Variants in FOXM1 observed in about 807,000 individuals in gnomAD.
The protein encoded by FOXM1 is forkhead box protein M1.
Under a neutral mutation model 63.6 loss-of-function variants are expected in FOXM1, and 25 were observed. That is an observed-to-expected ratio of 0.39 (90% CI 0.29 to 0.55). FOXM1 has a LOEUF of 0.55. Ranked by LOEUF, FOXM1 falls within the 20% of genes least tolerant of loss-of-function variation. The probability of loss-of-function intolerance (pLI) is 0.60; values close to 1 mark genes in which losing one functional copy is unlikely to be tolerated. For missense variants in FOXM1, 879 were observed against 958.7 expected, an observed-to-expected ratio of 0.92 and a Z score of 1.10; for synonymous variants, 387 against 376.9, an observed-to-expected ratio of 1.03 and a Z score of -0.31.
At chr12:2,875,830 A>G (rs1327658948) in intron 1 of FOXM1, among the ~76,000 whole-genome samples, 1 of 147,740 alleles carries the variant, frequency 6.8e-6, no homozygotes, top group Non-Finnish European at 1.5e-5. Context: ...GCGCAATCTC[A>G]GCTCACTGCA....
At position 2,864,568 on chromosome 12, in the gene FOXM1, C is replaced by T. The variant is rs922767655; in HGVS notation, c.1091-73G>A. On this transcript the variant is annotated intron_variant, in intron 7 of 8. Coordinates refer to ENST00000359843, the MANE Select transcript of FOXM1 (RefSeq NM_021953.4). The surrounding 1 kb of genome is among the most constrained non-coding windows in gnomAD (Gnocchi z 5.1). ...CCTTCTCAGCCCCAGGAGCTTTGCT[C>T]TCCTTCTCTGGGCTCAGATCCCTTT... The T allele has an allele frequency of 6.3e-7, 1 of 1,584,562 alleles. No individual in the cohort carries two copies. Among genetic ancestry groups the T allele is most frequent in the Non-Finnish European group, 8.7e-7 (1 of 1,155,880 alleles).
chr12:2,874,209 T>C lies in FOXM1; in HGVS notation c.270A>G (p.Ala90=). The part of the protein sequence containing the change: ...NNANIHSIIT[A]LTAKGKESGS... ...CACTCTCTTTTCCCTTGGCAGTCAG[T>C]GCTGTGATGATGCTGTGAATATTAG... is the stretch of plus-strand genomic sequence containing the variant. Residue 90 remains alanine (A), a synonymous_variant, in exon 2 of 9, where the codon GCA becomes GCG. Transcript: ENST00000359843. This position sits in a 1 kb window ranked among gnomAD's most constrained non-coding sequence, Gnocchi z 4.3. 3.1e-6 allele frequency: 5 copies of C among 1,614,190 alleles called. No homozygotes were observed. Among genetic ancestry groups the C allele is most frequent in the Non-Finnish European group, 4.2e-6 (5 of 1,180,046 alleles).
chr12:2,873,131 C>T (rs2098135988), intron 2 of FOXM1, among the ~76,000 whole-genome samples: 1 of 152,136 alleles, frequency 6.6e-6, no homozygotes, highest in African/African-American at 2.4e-5. Flanking sequence ...GGCGCAGTGG[C>T]TCACACCTGT....
Position 2,864,621 on chromosome 12 carries a change from G to T in FOXM1, c.1090+62C>A. 1.3e-6 allele frequency: 2 copies of T among 1,597,280 alleles called. No individual in the cohort carries two copies. The highest frequency in any genetic ancestry group is 1.7e-6 in the Non-Finnish European group (2 of 1,164,982). ...GGTGGGAACAGAATCCCAGAGTCTG[G>T]TTCCCTAAAGATATGGCCCCAGAAC... On this transcript the variant is annotated intron_variant, in intron 7 of 8. Transcript: ENST00000359843. This position sits in a 1 kb window ranked among gnomAD's most constrained non-coding sequence, Gnocchi z 5.1.
chr12:2,862,181 G>GAAAAAAAAAAAAAAAAAAAAAAAAAA (rs962205817), intron 8 of FOXM1, among the ~76,000 whole-genome samples: 1 of 102,438 alleles, frequency 9.8e-6, no homozygotes, highest in Admixed American at 1.1e-4. Flanking sequence ...TCCGTCTCAG[G>GAAAAAAAAAAAAAAAAAAAAAAAAAA]AAAAAAAAAA....
chr12:2,867,395 G>T (rs1205250532), intron 4 of FOXM1, among the ~76,000 whole-genome samples: 2 of 152,084 alleles, frequency 1.3e-5, no homozygotes, highest in East Asian at 3.9e-4. Context: ...AGCCCAGGGG[G>T]CTGAGGCTGC....
chr12:2,867,474 G>A (rs919143473), intron 4 of FOXM1, among the ~76,000 whole-genome samples: 1 of 152,026 alleles, frequency 6.6e-6, no homozygotes, highest in Non-Finnish European at 1.5e-5. Flanking sequence ...AGGAAAGTAA[G>A]CTGATGGAAG....
At chr12:2,873,920 T>C (rs1328792701) in intron 2 of FOXM1, 57 bp downstream of exon 2, 8 of 1,547,704 alleles carry the variant, frequency 5.2e-6, no homozygotes, top group Non-Finnish European at 5.3e-6. Context: ...CTACACACCT[T>C]GCCACTACAG....
intron 8 of FOXM1, among the ~76,000 whole-genome samples, chr12:2,860,854 G>C (rs2098110803): frequency 1.4e-5 from 2 of 140,982 alleles, no homozygotes; most frequent in East Asian, 4.2e-4. Context: ...GACATAGCAA[G>C]ACTCCATCTC....
At position 2,858,904 on chromosome 12, in the gene FOXM1, G is replaced by A; in HGVS notation, c.2026C>T (p.Leu676Phe). Residue 676 changes from leucine to phenylalanine, a missense_variant, in exon 9 of 9, where the codon CTC becomes TTC. Leu to Phe is a conservative substitution (Grantham distance 22, BLOSUM62 0). This residue lies in a region of FOXM1 where 486 missense variants were observed against 453.5 expected (regional missense o/e 1.07). Coordinates refer to ENST00000359843, the MANE Select transcript of FOXM1 (RefSeq NM_021953.4). ...SAPPLESPQRLLSSEPLDLIS... is the reference protein window; with the variant it reads ...SAPPLESPQRFLSSEPLDLIS... ...AGGTCTAAGGGTTCTGAACTGAGGAGCCTTTGCGGTGATTCAAGGGGGGGA... is the reference window on the plus strand; with the variant it reads ...AGGTCTAAGGGTTCTGAACTGAGGAACCTTTGCGGTGATTCAAGGGGGGGA... 6.2e-7 allele frequency: 1 copy of A among 1,613,974 alleles called. No homozygotes were observed. Among genetic ancestry groups the A allele is most frequent in the Non-Finnish European group, 8.5e-7 (1 of 1,180,010 alleles).
chr12:2,860,652 C>G (rs28918677), intron 8 of FOXM1, among the ~76,000 whole-genome samples: 7,656 of 151,964 alleles, frequency 0.05, 652 homozygotes, highest in African/African-American at 0.17. Context: ...GCAGGCAGAT[C>G]ACCTGAGGTC....
chr12:2,866,829 G>T (rs573804953), intron 4 of FOXM1, among the ~76,000 whole-genome samples: 2 of 152,238 alleles, frequency 1.3e-5, no homozygotes, highest in African/African-American at 4.8e-5. Context: ...GTGATCAATA[G>T]CAAGAAAGGT....
At position 2,874,433 on chromosome 12, in the gene FOXM1, G is replaced by A. The variant is rs865909482; in HGVS notation, c.46C>T (p.Leu16=). 1 of 1,613,222 alleles carries A rather than the reference G, an allele frequency of 6.2e-7. No homozygotes were observed. The highest frequency in any genetic ancestry group is 2.2e-5 in the East Asian group (1 of 44,868). ...GGGGCATTTTGAACAGGAAGGGGCA[G>A]CCTCCGTCTTTTGAGAATCAGTGGC... ...RRPLILKRRR[L]PLPVQNAPSE... Residue 16 remains leucine (L), a synonymous_variant, in exon 2 of 9, where the codon CTG becomes TTG. Coordinates refer to ENST00000359843, the MANE Select transcript of FOXM1 (RefSeq NM_021953.4). The surrounding 1 kb of genome is among the most constrained non-coding windows in gnomAD (Gnocchi z 4.3).
rs778703035 is a variant in FOXM1, at chr12:2,874,089, A to G, written c.390T>C (p.Asp130=). The change falls in exon 2 of 9, where the codon GAT becomes GAC. Residue 130 remains aspartate (D), a synonymous_variant. Coordinates refer to ENST00000359843, the MANE Select transcript of FOXM1 (RefSeq NM_021953.4). This position sits in a 1 kb window ranked among gnomAD's most constrained non-coding sequence, Gnocchi z 4.3. ...GLRPQTQTSY[D]AKRTEVTLET... ...CCAGGGTCACTTCTGTCCTTTTGGC[A>G]TCATAGCTGGTTTGGGTTTGAGGCC... 1 of 1,614,150 alleles carries G rather than the reference A, an allele frequency of 6.2e-7. No individual in the cohort carries two copies. Among genetic ancestry groups the G allele is most frequent in the South Asian group, 1.1e-5 (1 of 91,086 alleles).
At chr12:2,869,351 C>A (rs1425529448) in intron 3 of FOXM1, among the ~76,000 whole-genome samples, 3 of 152,094 alleles carry the variant, frequency 2.0e-5, no homozygotes, top group Admixed American at 1.3e-4. Context: ...CTCACTGCAG[C>A]CTTGACCTTC....
chr12:2,864,509 C>T lies in FOXM1; in HGVS notation c.1091-14G>A, dbSNP rs765608397. On this transcript the variant is annotated splice_polypyrimidine_tract_variant and intron_variant, in intron 7 of 8. Coordinates refer to ENST00000359843, the MANE Select transcript of FOXM1 (RefSeq NM_021953.4). The surrounding 1 kb of genome is among the most constrained non-coding windows in gnomAD (Gnocchi z 5.1). Reference sequence around the variant, plus strand: ...TCATCTTCCGCCCTAGGAGGAAACACGAGAGATCAGGAGCAGGGGGACTGG... The same window carrying T: ...TCATCTTCCGCCCTAGGAGGAAACATGAGAGATCAGGAGCAGGGGGACTGG... The T allele has an allele frequency of 3.1e-6, 5 of 1,607,028 alleles. No homozygotes were observed. Among genetic ancestry groups the T allele is most frequent in the Non-Finnish European group, 4.3e-6 (5 of 1,174,682 alleles).
intron 3 of FOXM1, among the ~76,000 whole-genome samples, chr12:2,869,592 C>A (rs938763364): frequency 6.6e-6 from 1 of 152,058 alleles, no homozygotes; most frequent in Non-Finnish European, 1.5e-5. Flanking sequence ...CCTGCCACCA[C>A]GCCCAGCTAC....
At chr12:2,866,156 C>A (rs2098122812) in intron 5 of FOXM1, among the ~76,000 whole-genome samples, 1 of 152,174 alleles carries the variant, frequency 6.6e-6, no homozygotes. Context: ...CCTGGGGAGC[C>A]CTTTCTGTTG....
chr12:2,859,502 G>A lies in FOXM1; in HGVS notation c.1428C>T (p.Pro476=). The A allele has an allele frequency of 1.2e-6, 2 of 1,614,006 alleles. No individual in the cohort carries two copies. Among genetic ancestry groups the A allele is most frequent in the Non-Finnish European group, 1.7e-6 (2 of 1,180,020 alleles). The change falls in exon 9 of 9, where the codon CCC becomes CCT. Residue 476 remains proline, a synonymous_variant. Coordinates refer to ENST00000359843, the MANE Select transcript of FOXM1 (RefSeq NM_021953.4). ...CCAAGGGAGGGCTCTCCACTTTGAT[G>A]GGTCTCGCTAAGTGTGGCATTTCCT... ...PGEEMPHLAR[P]IKVESPPLEE...
Sources: allele counts gnomAD v4.1 joint callset (sites outside exome capture counted in the v4.1 genomes callset), GRCh38; gene constraint gnomAD v4.1.1; regional missense constraint gnomAD v4.1.1; non-coding constraint Gnocchi (gnomAD v3.1); transcripts MANE v1.5; gene names NCBI Gene and HGNC (gene_info 2026-07-23, HGNC 2026-07-21).